RNF135: variants seen among roughly 807,000 people sequenced by gnomAD.
RNF135 encodes ring finger protein 135.
A neutral mutation model predicts 41.9 loss-of-function variants in RNF135; 46 were observed. The observed-to-expected ratio is 1.10, with a 90% CI of 0.87 to 1.40. The LOEUF is 1.40. RNF135 is among the 40% of genes most tolerant of loss of function. RNF135 has a pLI of 0.00. For missense variants in RNF135, 539 were observed against 549.8 expected (o/e 0.98, Z 0.20); for synonymous variants, 238 against 223.8 (o/e 1.06, Z -0.57).
At chr17:30,980,086 A>T (rs1433413277) in intron 1 of RNF135, 1 of 118,700 alleles carries the variant, frequency 8.4e-6, no homozygotes, top group Non-Finnish European at 1.7e-5. Context: ...CGGGGGGCTG[A>T]CTCCCCCACC....
intron 1 of RNF135, 139 bp downstream of exon 1, chr17:30,971,584 C>T: frequency 1.5e-6 from 2 of 1,358,670 alleles, no homozygotes; most frequent in South Asian, 1.8e-5. Context: ...GAGTTCCGCT[C>T]TTCGGAGGCA....
intron 3 of RNF135, among the ~76,000 whole-genome samples, chr17:30,990,423 C>T (rs1393203005): frequency 1.3e-5 from 2 of 152,118 alleles, no homozygotes; most frequent in Non-Finnish European, 2.9e-5. Flanking sequence ...ACTCCAGAGG[C>T]TTAGGCAGGA....
intron 1 of RNF135, among the ~76,000 whole-genome samples, chr17:30,983,330 TATATATATATATATATATA>T (rs1567743080): frequency 2.1e-4 from 7 of 32,724 alleles, no homozygotes; most frequent in South Asian, 9.4e-4. Flanking sequence ...CATATATATA[TATATATATATATATATATA>T]TATATTTTTT....
chr17:30,990,242 G>T (rs1287506025), intron 3 of RNF135, among the ~76,000 whole-genome samples: 1 of 152,038 alleles, frequency 6.6e-6, no homozygotes, highest in Admixed American at 6.6e-5. Context: ...TCAAAACAGG[G>T]CTGGGCGCGG....
intron 1 of RNF135, among the ~76,000 whole-genome samples, chr17:30,981,013 G>T (rs1217925424): frequency 2.7e-5 from 4 of 146,560 alleles, no homozygotes; most frequent in Non-Finnish European, 4.5e-5. Flanking sequence ...AAGGCAGGCG[G>T]CTGGGAGGTG....
chr17:30,968,386 CTTT>C (rs550082363), upstream of RNF135, among the ~76,000 whole-genome samples: 1 of 143,582 alleles, frequency 7.0e-6, no homozygotes, highest in Non-Finnish European at 1.5e-5. Context: ...TTCTTTCTTT[CTTT>C]TTTTTTTTTC....
chr17:30,971,378 C>T lies in RNF135; in HGVS notation c.305C>T (p.Pro102Leu). Reference protein sequence around the residue: ...IQAGSDPAHCPCPGSSSLSSA... With the variant: ...IQAGSDPAHCLCPGSSSLSSA... ...GCGGGCTCCGACCCTGCCCACTGCC[C>T]CTGCCCGGGCTCCAGTTCCCTCTCC... Residue 102 changes from proline to leucine, a missense_variant, in exon 1 of 5, where the codon CCC becomes CTC. Physicochemically the swap from Pro to Leu is moderately conservative, Grantham distance 98 (BLOSUM62 -3). Around this residue, in one of 2 missense-constraint regions of RNF135, gnomAD observed 277 missense variants for 212.8 expected, o/e 1.30. Coordinates refer to ENST00000328381, the MANE Select transcript of RNF135 (RefSeq NM_032322.4). The T allele has an allele frequency of 2.0e-6, 3 of 1,527,136 alleles. No homozygotes were observed. The highest frequency in any genetic ancestry group is 1.4e-5 in the African/African-American group (1 of 70,394). The allele number at this position is 1,527,136 out of a possible 1,614,324, so 94.6% of individuals were successfully genotyped here.
At chr17:30,961,206 C>G in the RNF135 span, among the ~76,000 whole-genome samples, 4 of 152,152 alleles carry the variant, frequency 2.6e-5, no homozygotes, top group Non-Finnish European at 5.9e-5. Context: ...TAAAAAGGAA[C>G]AAATTATTCA....
At chr17:30,975,822 G>T (rs1906398315) in intron 1 of RNF135, 1 of 968,638 alleles carries the variant, frequency 1.0e-6, no homozygotes, top group East Asian at 2.5e-5. Context: ...GACTTCGTTG[G>T]CCACAGAATA....
intron 4 of RNF135, 73 bp from the exon 5 acceptor site, chr17:30,998,589 T>C (rs1372614886): frequency 1.8e-5 from 26 of 1,466,866 alleles, no homozygotes; most frequent in Admixed American, 3.5e-5. Context: ...AAGTTGCTAT[T>C]TGAAGACTTC....
intron 2 of RNF135, among the ~76,000 whole-genome samples, chr17:30,986,934 T>G (rs185159354): frequency 6.6e-6 from 1 of 152,344 alleles, no homozygotes; most frequent in Admixed American, 6.5e-5. Flanking sequence ...TTTGTGAGGT[T>G]GTTATGCAAA....
In RNF135 at chr17:30,971,403, C is replaced by G; in HGVS notation, c.330C>G (p.Ser110=). The G allele has an allele frequency of 6.6e-7, 1 of 1,519,648 alleles. No individual in the cohort carries two copies. The highest frequency in any genetic ancestry group is 8.8e-7 in the Non-Finnish European group (1 of 1,140,384). 94.1% of individuals were successfully genotyped at this position (1,519,648 alleles called of 1,614,324 possible). A position where few individuals can be genotyped will look rare whatever the true frequency, so the allele number is the denominator to read the frequency against. The change falls in exon 1 of 5, where the codon TCC becomes TCG. Residue 110 remains serine, a synonymous_variant. Coordinates refer to ENST00000328381, the MANE Select transcript of RNF135 (RefSeq NM_032322.4). ...CCTGCCCGGGCTCCAGTTCCCTCTC[C>G]AGCGCGGCCGCGAGGCCCCGGCGCC... ...HCPCPGSSSL[S]SAAARPRRRP...
intron 1 of RNF135, chr17:30,973,092 G>A (rs1462818196): frequency 6.6e-6 from 1 of 152,138 alleles, no homozygotes; most frequent in African/African-American, 2.4e-5. Flanking sequence ...ATTTTGATCT[G>A]GATTTCCTTA....
chr17:30,991,698 G>T (rs1234035798), intron 3 of RNF135, among the ~76,000 whole-genome samples: 2 of 151,778 alleles, frequency 1.3e-5, no homozygotes, highest in Admixed American at 6.6e-5. Flanking sequence ...ACAGGGGTGA[G>T]CCACCGTGCC....
chr17:30,990,267 A>C (rs1488724795), intron 3 of RNF135, among the ~76,000 whole-genome samples: 1 of 152,136 alleles, frequency 6.6e-6, no homozygotes, highest in East Asian at 1.9e-4. Context: ...TCATGCCTGT[A>C]ATCCCAGCAC....
chr17:30,980,088 T>C (rs866793392), intron 1 of RNF135: 84 of 86,778 alleles, frequency 9.7e-4, no homozygotes, highest in East Asian at 1.8e-3. Context: ...GGGGGCTGAC[T>C]CCCCCACCTC....
chr17:30,986,186 C>G (rs535618562), intron 2 of RNF135, among the ~76,000 whole-genome samples: 1 of 151,714 alleles, frequency 6.6e-6, no homozygotes, highest in Admixed American at 6.6e-5. Flanking sequence ...ACTGGACTCT[C>G]AACTTCAGGA....
In RNF135 at chr17:30,971,216, T is replaced by A. The variant is rs1283211700; in HGVS notation, c.143T>A (p.Leu48Gln). 6.6e-7 allele frequency: 1 copy of A among 1,514,438 alleles called. No homozygotes were observed. The highest frequency in any genetic ancestry group is 2.6e-5 in the East Asian group (1 of 38,490). The allele number at this position is 1,514,438 out of a possible 1,614,324, so 93.8% of individuals were successfully genotyped here. A position where few individuals can be genotyped will look rare whatever the true frequency, so the allele number is the denominator to read the frequency against. The change falls in exon 1 of 5, where the codon CTG becomes CAG. Residue 48 changes from leucine (L) to glutamine (Q), a missense_variant. Physicochemically the swap from Leu to Gln is moderately radical, Grantham distance 113. Transcript: ENST00000328381. ...HSFCRHCLEA[L>Q]WGARDARRWA... Reference sequence around the variant, plus strand: ...TTCTGCCGCCACTGCCTGGAGGCCCTGTGGGGCGCCCGCGACGCCCGCCGC... The same window carrying A: ...TTCTGCCGCCACTGCCTGGAGGCCCAGTGGGGCGCCCGCGACGCCCGCCGC...
In RNF135 at chr17:30,998,727, C is replaced by T. The variant is rs558598831; in HGVS notation, c.835C>T (p.Arg279Cys). The T allele has an allele frequency of 1.7e-5, 27 of 1,613,544 alleles. No homozygotes were observed. The highest frequency in any genetic ancestry group is 1.7e-4 in the Middle Eastern group (1 of 6,058). ...SCSLEVSKDS[R>C]TVTVSHRPQP... The stretch of plus-strand genomic sequence containing the variant: ...CAGCCTGGAGGTGTCCAAGGATTCC[C>T]GTACAGTGACTGTGTCTCACCGCCC... Residue 279 changes from arginine to cysteine, a missense_variant, in exon 5 of 5, where the codon CGT (arginine) becomes TGT (cysteine). Arg to Cys is a radical substitution (Grantham distance 180). Coordinates refer to ENST00000328381, the MANE Select transcript of RNF135 (RefSeq NM_032322.4).
Sources: allele counts gnomAD v4.1 joint callset (sites outside exome capture counted in the v4.1 genomes callset), GRCh38; gene constraint gnomAD v4.1.1; regional missense constraint gnomAD v4.1.1; transcripts MANE v1.5; gene names NCBI Gene and HGNC (gene_info 2026-07-23, HGNC 2026-07-21).